LGALS2: variants seen among roughly 807,000 people sequenced by gnomAD.
LGALS2 encodes galectin 2, also known as galectin-2.
Under a neutral mutation model 10.1 loss-of-function variants are expected in LGALS2, and 7 were observed. The ratio of observed to expected loss-of-function variants is 0.70; its 90% confidence interval spans 0.40 to 1.31. The LOEUF is 1.31. Among genes scored for constraint, LGALS2 ranks in the 50% most tolerant of loss-of-function variants. The probability of loss-of-function intolerance (pLI) is 0.01; values close to 1 mark genes in which losing one functional copy is unlikely to be tolerated. For synonymous variants in LGALS2, 86 were observed against 64.2 expected, an observed-to-expected ratio of 1.34 and a Z score of -1.63; for missense variants, 167 against 163.6, an observed-to-expected ratio of 1.02 and a Z score of -0.11.
intron 1 of LGALS2, among the ~76,000 whole-genome samples, chr22:37,572,180 A>AG (rs1925518477): frequency 6.6e-6 from 1 of 152,250 alleles, no homozygotes; most frequent in Non-Finnish European, 1.5e-5. Flanking sequence ...CACAGGACGG[A>AG]GGCTCAGTTT....
Position 37,570,377 on chromosome 22 carries a change from C to T in LGALS2, c.285G>A (p.Val95=). The T allele has an allele frequency of 6.2e-7, 1 of 1,613,984 alleles. No homozygotes were observed. The highest frequency in any genetic ancestry group is 1.1e-5 in the South Asian group (1 of 91,080). Residue 95 remains valine (V), a synonymous_variant, in exon 4 of 4, where the codon GTG becomes GTA. Transcript: ENST00000215886. ...TCAGCTCGTGCCCATCTGGCAGCTT[C>T]ACCTTGAATTTGTCACTCTCAAAGG... ...TVTFESDKFK[V]KLPDGHELTF...
rs1369420619 is a variant in LGALS2, at chr22:37,570,556, CT to C, written c.249+19del. 6.2e-7 allele frequency: 1 copy of C among 1,614,164 alleles called. No homozygotes were observed. Among genetic ancestry groups the C allele is most frequent in the Non-Finnish European group, 8.5e-7 (1 of 1,179,990 alleles). On this transcript the variant is annotated intron_variant, in intron 3 of 3. Transcript: ENST00000215886. ...CTCCCCTTGACATCACCCCAGTGCC[CT>C]TTCCCCCTTTGACCTCACCTTGACC...
intron 1 of LGALS2, among the ~76,000 whole-genome samples, chr22:37,576,057 G>C (rs1049337980): frequency 6.6e-6 from 1 of 152,172 alleles, no homozygotes; most frequent in Non-Finnish European, 1.5e-5. Context: ...CCCTGCTTTA[G>C]AGAAAGTGGG....
chr22:37,574,937 C>A (rs188964436), intron 1 of LGALS2, among the ~76,000 whole-genome samples: 2 of 150,376 alleles, frequency 1.3e-5, no homozygotes, highest in East Asian at 3.9e-4. Context: ...TGCTGGAGTG[C>A]AGTGGTGCAA....
chr22:37,577,978 C>A (rs1925738492), intron 1 of LGALS2, among the ~76,000 whole-genome samples: 1 of 152,198 alleles, frequency 6.6e-6, no homozygotes, highest in South Asian at 2.1e-4. Context: ...TTTCTAGTCA[C>A]CAAAACCAAG....
intron 2 of LGALS2, 106 bp from the exon 3 acceptor site, chr22:37,570,841 G>C: frequency 7.8e-7 from 1 of 1,279,654 alleles, no homozygotes; most frequent in Non-Finnish European, 1.1e-6. Context: ...CAAAGCTTGT[G>C]TTAGTTGAGA....
rs374748756 is a variant in LGALS2, at chr22:37,570,632, A to G, written c.193T>C (p.Trp65Arg). Reference protein sequence around the residue: ...IVCNSLDGSNWGQEQREDHLC... With the variant: ...IVCNSLDGSNRGQEQREDHLC... The stretch of plus-strand genomic sequence containing the variant: ...TGATCTTCCCGTTGTTCTTGCCCCC[A>G]GTTGCTGCCGTCCAATGAGTTGCAG... Residue 65 changes from tryptophan (W) to arginine (R), a missense_variant, in exon 3 of 4, where the codon TGG becomes CGG. Transcript: ENST00000215886. 18 of 1,614,062 alleles carry G rather than the reference A, an allele frequency of 1.1e-5. No individual in the cohort carries two copies. The highest frequency in any genetic ancestry group is 1.5e-5 in the Non-Finnish European group (18 of 1,180,046).
intron 1 of LGALS2, among the ~76,000 whole-genome samples, chr22:37,575,233 G>GCT (rs1925638037): frequency 8.3e-6 from 1 of 119,938 alleles, no homozygotes; most frequent in East Asian, 2.3e-4. Flanking sequence ...ACAGGGTCTT[G>GCT]CTCTGTCACC....
At chr22:37,572,241 T>C (rs1925520764) in intron 1 of LGALS2, among the ~76,000 whole-genome samples, 1 of 152,202 alleles carries the variant, frequency 6.6e-6, no homozygotes, top group Non-Finnish European at 1.5e-5. Context: ...CGCAAAGTGT[T>C]CAAGTGATGA....
At chr22:37,571,492 T>C (rs1281400640) in intron 2 of LGALS2, among the ~76,000 whole-genome samples, 1 of 152,162 alleles carries the variant, frequency 6.6e-6, no homozygotes, top group East Asian at 1.9e-4. Flanking sequence ...AATGCCAGCC[T>C]GTGGCCATTC....
At chr22:37,571,739 T>C (rs1925503605) in intron 2 of LGALS2, 110 bp downstream of exon 2, 1 of 831,908 alleles carries the variant, frequency 1.2e-6, no homozygotes, top group Non-Finnish European at 2.0e-6. Flanking sequence ...AAAGGGCCCA[T>C]TGGCCTGACG....
chr22:37,572,844 GCCTGTAATCC>G (rs1328825848), intron 1 of LGALS2, among the ~76,000 whole-genome samples: 2 of 151,132 alleles, frequency 1.3e-5, no homozygotes, highest in Non-Finnish European at 2.9e-5. Context: ...GGTGGCGGGC[GCCTGTAATCC>G]CAGCTACTTG....
At chr22:37,577,694 T>TA (rs1463509924) in intron 1 of LGALS2, among the ~76,000 whole-genome samples, 1 of 152,104 alleles carries the variant, frequency 6.6e-6, no homozygotes, top group Non-Finnish European at 1.5e-5. Context: ...GTGACCTATT[T>TA]AAAAATAGTT....
At chr22:37,574,249 C>T (rs1311369847) in intron 1 of LGALS2, among the ~76,000 whole-genome samples, 1 of 152,076 alleles carries the variant, frequency 6.6e-6, no homozygotes, top group Admixed American at 6.6e-5. Flanking sequence ...GGAGCGGTGG[C>T]TCACGCCTGT....
intron 1 of LGALS2, among the ~76,000 whole-genome samples, chr22:37,572,723 C>T (rs891965867): frequency 4.7e-5 from 7 of 150,068 alleles, no homozygotes; most frequent in South Asian, 2.1e-4. Context: ...GGTGAGATCG[C>T]GTCACTGCCC....
intron 1 of LGALS2, among the ~76,000 whole-genome samples, chr22:37,579,081 TC>T (rs1925769736): frequency 1.4e-5 from 1 of 72,616 alleles, no homozygotes. Flanking sequence ...AAACTCCATC[TC>T]AACAAAAAAA....
chr22:37,574,011 A>T (rs951534315), intron 1 of LGALS2, among the ~76,000 whole-genome samples: 5 of 151,810 alleles, frequency 3.3e-5, no homozygotes, highest in Admixed American at 2.0e-4. Context: ...ACAGGCGTGA[A>T]CCAAGCCCAG....
rs184624130 is a variant in LGALS2, at chr22:37,574,253, C to T, written c.7-2322G>A. On this transcript the variant is annotated intron_variant, in intron 1 of 3. Transcript: ENST00000215886. ...ACCCAGGGCTGGGAGCGGTGGCTCA[C>T]GCCTGTAATCCCAGCACTTTGGGAG... 6.7e-3 allele frequency among the ~76,000 whole-genome samples: 1,021 copies of T among 152,124 alleles called. 6 individuals are homozygous for T. Among genetic ancestry groups the T allele is most frequent in the Non-Finnish European group, 0.01 (704 of 68,004 alleles).
At chr22:37,572,397 C>T (rs147033704) in intron 1 of LGALS2, among the ~76,000 whole-genome samples, 1,818 of 152,110 alleles carry the variant, frequency 0.012, 17 homozygotes, top group Non-Finnish European at 0.019. Flanking sequence ...TTTGGGAGGC[C>T]GAGGCGGGCT....
Sources: allele counts gnomAD v4.1 joint callset (sites outside exome capture counted in the v4.1 genomes callset), GRCh38; gene constraint gnomAD v4.1.1; transcripts MANE v1.5; gene names NCBI Gene and HGNC (gene_info 2026-07-23, HGNC 2026-07-21).